Variants in PDCD11 observed in about 807,000 individuals in gnomAD.
The protein encoded by PDCD11 is protein RRP5 homolog.
PDCD11 carries 97 observed loss-of-function variants against 198.9 expected under a neutral mutation model. The ratio of observed to expected loss-of-function variants is 0.49; its 90% CI spans 0.41 to 0.58. The LOEUF (loss-of-function observed/expected upper bound fraction) is 0.58, where lower values mean the gene tolerates loss of function less well. Among genes scored for constraint, PDCD11 ranks in the 20% least tolerant of loss-of-function variants. The pLI is 0.00. For synonymous variants in PDCD11, 893 were observed against 918.0 expected, an observed-to-expected ratio of 0.97 and a Z score of 0.49; for missense variants, 2,102 against 2,312.7, an observed-to-expected ratio of 0.91 and a Z score of 1.87.
At chr10:103,403,402 C>T in intron 4 of PDCD11, 117 bp downstream of exon 4, 10 of 928,342 alleles carry the variant, frequency 1.1e-5, no homozygotes, top group Non-Finnish European at 1.5e-5. Context: ...GAGAGTTTAT[C>T]ATAAAGGAAT....
chr10:103,442,148 C>A, intron 31 of PDCD11, 65 bp from the exon 32 acceptor site: 1 of 1,593,382 alleles, frequency 6.3e-7, no homozygotes, highest in South Asian at 1.1e-5. Context: ...TCGTGACTTC[C>A]ACCACAGACC....
intron 18 of PDCD11, 85 bp downstream of exon 18, chr10:103,423,222 A>G (rs1318807247): frequency 7.4e-7 from 1 of 1,355,968 alleles, no homozygotes. Context: ...ATTTCTAAAT[A>G]CTTACGGTAG....
At position 103,419,466 on chromosome 10, in the gene PDCD11, G is replaced by A. The variant is rs113842316; in HGVS notation, c.2107-72G>A. ...AGCCTGCAGTTCTGTCCTTCTCTGT[G>A]GAGAAAGGAGATGGGAGAGATGGAC... On this transcript the variant is annotated intron_variant, in intron 15 of 35. Coordinates refer to ENST00000369797, the MANE Select transcript of PDCD11 (RefSeq NM_014976.2). 2.5e-3 allele frequency: 3,813 copies of A among 1,496,330 alleles called. 72 individuals carry two copies. The African/African-American group carries it at 0.041, about 16-fold the overall frequency. 92.7% of individuals were successfully genotyped at this position (1,496,330 alleles called of 1,614,324 possible).
chr10:103,442,213 A>G lies in PDCD11; in HGVS notation c.4708A>G (p.Ile1570Val). The change falls in exon 32 of 36, where the codon ATA (isoleucine) becomes GTA (valine). Residue 1570 changes from isoleucine to valine, a missense_variant and splice_region_variant. Transcript: ENST00000369797. ...ACGGTGTTTCTGCTTTCCATAGCAGATAAAGAAAAGCAAGAAAGAAAGGGA... is the reference window on the plus strand; with the variant it reads ...ACGGTGTTTCTGCTTTCCATAGCAGGTAAAGAAAAGCAAGAAAGAAAGGGA... ...EEDEKPHQAT[I>V]KKSKKERELE... 1 of 1,613,914 alleles carries G rather than the reference A, an allele frequency of 6.2e-7. No homozygotes were observed. Among genetic ancestry groups the G allele is most frequent in the Non-Finnish European group, 8.5e-7 (1 of 1,179,946 alleles).
chr10:103,397,118 A>G (rs1342374764), intron 1 of PDCD11, among the ~76,000 whole-genome samples: 1 of 151,872 alleles, frequency 6.6e-6, no homozygotes, highest in Non-Finnish European at 1.5e-5. Flanking sequence ...TCTTATTACC[A>G]AGTGTCTGTC....
chr10:103,433,854 G>A, intron 22 of PDCD11, 94 bp from the exon 23 acceptor site: 1 of 925,364 alleles, frequency 1.1e-6, no homozygotes, highest in Non-Finnish European at 1.8e-6. Flanking sequence ...AAAGTGTACT[G>A]GGGCCCTTTC....
rs767631272 is a variant in PDCD11 at position 103,423,710 on chromosome 10, A to G, written c.2763+52A>G. The stretch of plus-strand genomic sequence containing the variant: ...CATGGTTTCACATGATGTACCCTTC[A>G]ACCCCACTCCAGTTCAGGGATTCCA... On this transcript the variant is annotated intron_variant, in intron 19 of 35. Coordinates refer to ENST00000369797, the MANE Select transcript of PDCD11 (RefSeq NM_014976.2). 25 of 1,199,548 alleles carry G rather than the reference A, an allele frequency of 2.1e-5. No homozygotes were observed. The African/African-American group carries it at 3.0e-4, about 14-fold the overall frequency. 74.3% of individuals were successfully genotyped at this position (1,199,548 alleles called of 1,614,324 possible). A position where few individuals can be genotyped will look rare whatever the true frequency, so the allele number is the denominator to read the frequency against.
At chr10:103,426,108 G>A (rs1291396927) in intron 20 of PDCD11, among the ~76,000 whole-genome samples, 1 of 152,342 alleles carries the variant, frequency 6.6e-6, no homozygotes, top group East Asian at 1.9e-4. Flanking sequence ...TGTAACGTGA[G>A]AGTCATGGTA....
At chr10:103,400,018 G>T (rs1430186308) in intron 2 of PDCD11, among the ~76,000 whole-genome samples, 1 of 152,110 alleles carries the variant, frequency 6.6e-6, no homozygotes, top group Non-Finnish European at 1.5e-5. Context: ...AAACCACATA[G>T]CTTGTTATGG....
intron 2 of PDCD11, among the ~76,000 whole-genome samples, 181 bp from the exon 3 acceptor site, chr10:103,400,216 G>C (rs547365175): frequency 7.6e-6 from 1 of 131,446 alleles, no homozygotes; most frequent in Non-Finnish European, 1.8e-5. Context: ...GAACATTGGC[G>C]GCCCCCCCCC....
intron 25 of PDCD11, among the ~76,000 whole-genome samples, chr10:103,435,502 G>A (rs2032114087): frequency 1.3e-5 from 2 of 151,532 alleles, no homozygotes; most frequent in African/African-American, 4.9e-5. Flanking sequence ...CTGGAGTGCA[G>A]TGGCGCGAGA....
At chr10:103,436,471 G>T (rs1243492334) in intron 25 of PDCD11, among the ~76,000 whole-genome samples, 1 of 152,202 alleles carries the variant, frequency 6.6e-6, no homozygotes, top group African/African-American at 2.4e-5. Flanking sequence ...TCAACTGACA[G>T]TACAGTAGAT....
In PDCD11 at chr10:103,434,882, C is replaced by T; in HGVS notation, c.3752C>T (p.Pro1251Leu). The T allele has an allele frequency of 6.2e-7, 1 of 1,613,080 alleles. No homozygotes were observed. Among genetic ancestry groups the T allele is most frequent in the South Asian group, 1.1e-5 (1 of 90,898 alleles). Residue 1251 changes from proline to leucine, a missense_variant, in exon 25 of 36, where the codon CCC becomes CTC. By Grantham distance (98) the Pro-to-Leu change is moderately conservative. Transcript: ENST00000369797. ...AACGAGGGGCTGACCGTCTCCTTCCCCTTTGGGAAGATAGGAACAGTCAGT... is the reference window on the plus strand; with the variant it reads ...AACGAGGGGCTGACCGTCTCCTTCCTCTTTGGGAAGATAGGAACAGTCAGT... ...TPNEGLTVSFPFGKIGTVSIF... is the reference protein window; with the variant it reads ...TPNEGLTVSFLFGKIGTVSIF...
chr10:103,411,652 G>A (rs1233691890), intron 8 of PDCD11, among the ~76,000 whole-genome samples: 4 of 152,110 alleles, frequency 2.6e-5, no homozygotes, highest in Admixed American at 1.3e-4. Context: ...GCCTCCTAAA[G>A]TGCTGGGATT....
intron 35 of PDCD11, 127 bp from the exon 36 acceptor site, chr10:103,445,251 G>A (rs2032555915): frequency 1.3e-6 from 1 of 789,788 alleles, no homozygotes; most frequent in Admixed American, 2.0e-5. Flanking sequence ...AAAGATAATG[G>A]TAGAAGTGGG....
intron 1 of PDCD11, among the ~76,000 whole-genome samples, chr10:103,397,590 C>T (rs973938292): frequency 6.6e-6 from 1 of 152,320 alleles, no homozygotes; most frequent in East Asian, 1.9e-4. Context: ...CAGGCCACCA[C>T]GCCCGGCTAA....
intron 8 of PDCD11, among the ~76,000 whole-genome samples, chr10:103,410,799 G>C (rs914217019): frequency 2.0e-5 from 3 of 151,634 alleles, no homozygotes; most frequent in African/African-American, 7.3e-5. Context: ...TTTTAGGCCA[G>C]GTGTGGTGGC....
intron 13 of PDCD11, among the ~76,000 whole-genome samples, chr10:103,417,538 A>G (rs2031177017): frequency 6.6e-6 from 1 of 152,264 alleles, no homozygotes; most frequent in East Asian, 1.9e-4. Flanking sequence ...TAGCATCTCC[A>G]TCACCTCAAA....
chr10:103,423,244 C>T (rs533077576), intron 18 of PDCD11, 107 bp downstream of exon 18: 11 of 1,201,428 alleles, frequency 9.2e-6, no homozygotes, highest in Admixed American at 6.6e-5. Context: ...TGAGTTGATT[C>T]GGTAGAGATT....
Sources: gnomAD v4.1 joint callset for allele counts (sites outside exome capture counted in the v4.1 genomes callset) on GRCh38, gnomAD v4.1.1 for gene constraint, MANE v1.5 for transcripts, NCBI Gene and HGNC (gene_info 2026-07-23, HGNC 2026-07-21) for gene names.